LSM14A: variants seen among roughly 807,000 people sequenced by gnomAD.
LSM14A encodes LSM14A mRNA processing body assembly factor, also known as protein LSM14 homolog A.
LSM14A carries 14 observed loss-of-function variants against 52.4 expected under a neutral mutation model. That is an observed-to-expected ratio of 0.27 (90% CI 0.18 to 0.42). The LOEUF (loss-of-function observed/expected upper bound fraction) is 0.42. Ranked by LOEUF, LSM14A falls within the 10% of genes least tolerant of loss-of-function variation. LSM14A has a pLI of 1.00. For synonymous variants in LSM14A, 185 were observed against 200.3 expected (o/e 0.92, Z 0.64); for missense variants, 417 against 581.8 (o/e 0.72, Z 2.91).
At chr19:34,195,874 C>T (rs1426070838) in intron 2 of LSM14A, among the ~76,000 whole-genome samples, 1 of 152,160 alleles carries the variant, frequency 6.6e-6, no homozygotes, top group Non-Finnish European at 1.5e-5. Flanking sequence ...ATAACTTCTT[C>T]CAATCATCAT....
chr19:34,177,309 T>C (rs1425796782), intron 1 of LSM14A, among the ~76,000 whole-genome samples: 2 of 152,226 alleles, frequency 1.3e-5, no homozygotes, highest in African/African-American at 4.8e-5. Flanking sequence ...TAAACCTTTT[T>C]GTGCTTTGCT....
chr19:34,215,424 T>C (rs2072506180), intron 5 of LSM14A, 124 bp downstream of exon 5: 2 of 1,168,418 alleles, frequency 1.7e-6, no homozygotes, highest in African/African-American at 3.5e-5. Context: ...TATGATAGAA[T>C]GTTTGGTCTT....
At chr19:34,192,838 G>A (rs998517097) in intron 1 of LSM14A, among the ~76,000 whole-genome samples, 1 of 151,684 alleles carries the variant, frequency 6.6e-6, no homozygotes, top group Non-Finnish European at 1.5e-5. Flanking sequence ...AATTAGCTGC[G>A]CATGGTGGCA....
chr19:34,223,366 G>A (rs1010072096), intron 9 of LSM14A, among the ~76,000 whole-genome samples: 1 of 152,172 alleles, frequency 6.6e-6, no homozygotes, highest in African/African-American at 2.4e-5. Context: ...GGGTTTATAG[G>A]TGTGCCATGG....
At chr19:34,189,471 G>A (rs1041232387) in intron 1 of LSM14A, among the ~76,000 whole-genome samples, 1 of 152,104 alleles carries the variant, frequency 6.6e-6, no homozygotes. Context: ...TGAAAGAAAT[G>A]GGATGAAATG....
At position 34,192,617 on chromosome 19, in the gene LSM14A, G is replaced by A. The variant is rs191832630; in HGVS notation, c.122-1861G>A. 4.0e-3 allele frequency among the ~76,000 whole-genome samples: 488 copies of A among 123,152 alleles called. 1 individual carries two copies. The highest frequency in any genetic ancestry group is 6.8e-3 in the Non-Finnish European group (426 of 62,778). 80.8% of individuals were successfully genotyped at this position (123,152 alleles called of 152,430 possible). A position where few individuals can be genotyped will look rare whatever the true frequency, so the allele number is the denominator to read the frequency against. ...AGTGCTGGGATTGCAGGCATGAGGC[G>A]CTGCATCAGTTCTGCAAAAAAAAAA... On this transcript the variant is annotated intron_variant, in intron 1 of 9. Transcript: ENST00000544216.
chr19:34,226,398 T>TTA (rs2073347401), intron 9 of LSM14A: 6 of 1,384,106 alleles, frequency 4.3e-6, no homozygotes, highest in Non-Finnish European at 3.8e-6. Context: ...TTTTTTTTTT[T>TTA]ACCTTTCAGA....
intron 6 of LSM14A, among the ~76,000 whole-genome samples, chr19:34,215,938 G>A (rs1039363531): frequency 1.5e-4 from 23 of 152,126 alleles, no homozygotes; most frequent in Admixed American, 1.4e-3. Context: ...AGCAAGGTCT[G>A]TAGTTTAGTT....
At chr19:34,187,426 G>A (rs1037340140) in intron 1 of LSM14A, among the ~76,000 whole-genome samples, 19 of 151,992 alleles carry the variant, frequency 1.3e-4, no homozygotes, top group Admixed American at 6.6e-4. Context: ...TTACAGGCGT[G>A]TGCCACCACA....
intron 9 of LSM14A, chr19:34,226,536 C>A (rs925946206): frequency 2.3e-6 from 3 of 1,283,078 alleles, no homozygotes; most frequent in African/African-American, 1.5e-5. Context: ...TCTTGTAGCT[C>A]ATTGCTGTCA....
chr19:34,220,702 A>G (rs1363064168), intron 8 of LSM14A, among the ~76,000 whole-genome samples: 2 of 152,190 alleles, frequency 1.3e-5, no homozygotes, highest in Non-Finnish European at 2.9e-5. Flanking sequence ...ATGGATGGAC[A>G]TAATTCTGAG....
intron 6 of LSM14A, 123 bp downstream of exon 6, chr19:34,215,784 C>T (rs982285222): frequency 7.3e-6 from 5 of 686,160 alleles, no homozygotes; most frequent in East Asian, 2.7e-5. Flanking sequence ...AGGAGGAGCA[C>T]AGGGGAGTGT....
intron 1 of LSM14A, among the ~76,000 whole-genome samples, chr19:34,175,279 G>A (rs1377920429): frequency 2.0e-5 from 3 of 150,716 alleles, no homozygotes; most frequent in Non-Finnish European, 2.9e-5. Context: ...TGCCCAGGCC[G>A]GAGTGCAGTG....
At chr19:34,215,088 A>C in intron 4 of LSM14A, 36 bp from the exon 5 acceptor site, 1 of 1,556,180 alleles carries the variant, frequency 6.4e-7, no homozygotes, top group Non-Finnish European at 8.7e-7. Context: ...TGAAATCCCC[A>C]ATAGGGTAGT....
chr19:34,173,659 GA>G (rs1389589922), intron 1 of LSM14A, among the ~76,000 whole-genome samples: 3 of 152,188 alleles, frequency 2.0e-5, no homozygotes, highest in African/African-American at 7.2e-5. Flanking sequence ...CAGGAAACCA[GA>G]AAGAAAATAA....
At chr19:34,197,885 G>A (rs1432292020) in intron 3 of LSM14A, among the ~76,000 whole-genome samples, 2 of 152,144 alleles carry the variant, frequency 1.3e-5, no homozygotes, top group Non-Finnish European at 2.9e-5. Context: ...GCAGGGCTGG[G>A]CGAATGACAG....
chr19:34,221,114 C>A (rs2073030739), intron 8 of LSM14A, among the ~76,000 whole-genome samples: 1 of 140,846 alleles, frequency 7.1e-6, no homozygotes, highest in South Asian at 2.2e-4. Flanking sequence ...TGGAGTTTCG[C>A]TCTTGTCACC....
intron 1 of LSM14A, among the ~76,000 whole-genome samples, chr19:34,173,232 A>C (rs2068838746): frequency 6.6e-6 from 1 of 152,206 alleles, no homozygotes; most frequent in African/African-American, 2.4e-5. Flanking sequence ...CTCTTGAGTA[A>C]TGTGCTAAAA....
intron 1 of LSM14A, among the ~76,000 whole-genome samples, chr19:34,192,313 TTTG>T (rs1277579230): frequency 0.011 from 1,099 of 100,088 alleles, 122 homozygotes; most frequent in Non-Finnish European, 0.017. Context: ...TAACATTCTT[TTTG>T]TTGTTTTTTT....
Sources: allele counts gnomAD v4.1 joint callset (sites outside exome capture counted in the v4.1 genomes callset), GRCh38; gene constraint gnomAD v4.1.1; transcripts MANE v1.5; gene names NCBI Gene and HGNC (gene_info 2026-07-23, HGNC 2026-07-21).